The following ZNF107 variants were observed in gnomAD, a reference collection of about 807,000 sequenced individuals.
ZNF107 encodes C2H2 type zinc-finger protein.
Under a neutral mutation model 12.3 loss-of-function variants are expected in ZNF107, and 19 were observed. The ratio of observed to expected loss-of-function variants is 1.55; its 90% CI spans 1.08 to 2.27. The LOEUF is 2.27. Ranked by LOEUF, ZNF107 falls within the 30% of genes most tolerant of loss-of-function variation. ZNF107 has a pLI of 0.00. For missense variants in ZNF107, 958 were observed against 979.9 expected (o/e 0.98, Z 0.30); for synonymous variants, 317 against 330.5 (o/e 0.96, Z 0.44).
chr7:64,697,540 C>T (rs1790332977), intron 3 of ZNF107, among the ~76,000 whole-genome samples: 1 of 152,190 alleles, frequency 6.6e-6, no homozygotes. Context: ...TGGGTTCCTT[C>T]AGCCTTTTGG....
At position 64,710,200 on chromosome 7, in the gene ZNF107, T is replaced by C. The variant is rs569661986; in HGVS notation, c.*1544T>C. On this transcript the variant is annotated 3_prime_UTR_variant, in exon 4 of 4. Coordinates refer to ENST00000620827, the MANE Select transcript of ZNF107 (RefSeq NM_001282359.2). Reference sequence around the variant, plus strand: ...CAAATACGAAGAGGGTTGTAGTACCTTTACTTGTATCACAGATACTTTTGT... The same window carrying C: ...CAAATACGAAGAGGGTTGTAGTACCCTTACTTGTATCACAGATACTTTTGT... The C allele has an allele frequency of 1.3e-5, 2 of 153,434 alleles. No individual in the cohort carries two copies. The highest frequency in any genetic ancestry group is 4.1e-4 in the South Asian group (2 of 4,934). 9.5% of individuals were successfully genotyped at this position (153,434 alleles called of 1,614,324 possible).
intron 3 of ZNF107, among the ~76,000 whole-genome samples, chr7:64,700,535 T>TTTTTTA (rs71055267): frequency 3.3e-5 from 1 of 30,466 alleles, no homozygotes; most frequent in Non-Finnish European, 6.8e-5. Context: ...TTTTTTTTTT[T>TTTTTTA]GAGACTGAGT....
At chr7:64,667,648 G>A (rs1359645261) in intron 1 of ZNF107, among the ~76,000 whole-genome samples, 1 of 152,174 alleles carries the variant, frequency 6.6e-6, no homozygotes, top group Non-Finnish European at 1.5e-5. Context: ...TCAGCTCCTG[G>A]CCTGGAATGG....
At position 64,706,921 on chromosome 7, in the gene ZNF107, A is replaced by G; in HGVS notation, c.824A>G (p.His275Arg). Residue 275 changes from histidine to arginine, a missense_variant, in exon 4 of 4, where the codon CAT becomes CGT. Transcript: ENST00000620827. Reference protein sequence around the residue: ...AFKQASHLTIHKIIHTGEKPY... With the variant: ...AFKQASHLTIRKIIHTGEKPY... Reference sequence around the variant, plus strand: ...AAACAGGCCTCACACCTTACTATACATAAAATAATTCATACTGGAGAAAAA... The same window carrying G: ...AAACAGGCCTCACACCTTACTATACGTAAAATAATTCATACTGGAGAAAAA... The G allele has an allele frequency of 6.2e-7, 1 of 1,612,466 alleles. No individual in the cohort carries two copies. Among genetic ancestry groups the G allele is most frequent in the Non-Finnish European group, 8.5e-7 (1 of 1,179,442 alleles).
chr7:64,682,740 G>A (rs556979915), intron 1 of ZNF107, among the ~76,000 whole-genome samples: 8 of 152,034 alleles, frequency 5.3e-5, no homozygotes, highest in South Asian at 2.1e-4. Context: ...CCTCTATAGC[G>A]CTCACAACCT....
intron 3 of ZNF107, among the ~76,000 whole-genome samples, chr7:64,701,198 C>G (rs1468579891): frequency 1.3e-5 from 2 of 152,136 alleles, no homozygotes; most frequent in Non-Finnish European, 1.5e-5. Context: ...CTACCTCACC[C>G]AATTGTGGTT....
chr7:64,700,582 T>C, intron 3 of ZNF107, among the ~76,000 whole-genome samples: 1 of 124,652 alleles, frequency 8.0e-6, no homozygotes, highest in African/African-American at 3.1e-5. Flanking sequence ...TGCAGTGGCA[T>C]AGGCTGGAGT....
chr7:64,680,277 A>G (rs1260037452), intron 1 of ZNF107, among the ~76,000 whole-genome samples: 1 of 151,618 alleles, frequency 6.6e-6, no homozygotes, highest in Non-Finnish European at 1.5e-5. Flanking sequence ...TTTCCATAAG[A>G]CTCCACTAAA....
At position 64,710,454 on chromosome 7, in the gene ZNF107, A is replaced by C. The variant is rs1790847653; in HGVS notation, c.*1798A>C. ...AATTAAGTCTATATAAATATCAGAG[A>C]ATTCACAGTAGAAATATCTAAGGTA... On this transcript the variant is annotated 3_prime_UTR_variant, in exon 4 of 4. Transcript: ENST00000620827. The C allele has an allele frequency of 6.6e-6, 1 of 152,232 alleles. No homozygotes were observed. Among genetic ancestry groups the C allele is most frequent in the African/African-American group, 2.4e-5 (1 of 41,464 alleles). 9.4% of individuals were successfully genotyped at this position (152,232 alleles called of 1,614,324 possible).
intron 1 of ZNF107, among the ~76,000 whole-genome samples, 181 bp downstream of exon 1, chr7:64,666,466 C>T (rs76172313): frequency 0.047 from 7,133 of 152,270 alleles, 452 homozygotes; most frequent in African/African-American, 0.14. Flanking sequence ...CCTCAGTCCC[C>T]TTCAGCCGTA....
At chr7:64,666,955 C>G (rs1005968696) in intron 1 of ZNF107, among the ~76,000 whole-genome samples, 1 of 127,600 alleles carries the variant, frequency 7.8e-6, no homozygotes, top group African/African-American at 3.5e-5. Context: ...GCTTAATTGG[C>G]AGTTCATGGT....
In ZNF107 at chr7:64,691,962, T is replaced by C. The variant is rs1480839228; in HGVS notation, c.226+2T>C. The C allele has an allele frequency of 1.3e-6, 2 of 1,507,590 alleles. No individual in the cohort carries two copies. Among genetic ancestry groups the C allele is most frequent in the South Asian group, 2.6e-5 (2 of 78,140 alleles). The allele number at this position is 1,507,590 out of a possible 1,614,324, so 93.4% of individuals were successfully genotyped here. ...ATGAGATGGTAGCCAAACCCCCAGG[T>C]AGGTGAGAGTGAAAGTGAATACAAC... On this transcript the variant is annotated splice_donor_variant, in intron 3 of 3. Transcript: ENST00000620827. LOFTEE classifies it high-confidence loss of function.
intron 1 of ZNF107, among the ~76,000 whole-genome samples, chr7:64,677,851 C>CAAA (rs36080718): frequency 9.0e-5 from 7 of 77,912 alleles, no homozygotes; most frequent in Admixed American, 1.6e-4. Context: ...GACTCTGTCT[C>CAAA]AAAAAAAAAA....
chr7:64,702,421 C>G (rs1376863297), intron 3 of ZNF107, among the ~76,000 whole-genome samples: 3 of 152,146 alleles, frequency 2.0e-5, no homozygotes, highest in Admixed American at 1.3e-4. Flanking sequence ...AGGCGTGAGC[C>G]ACCGCGCCCG....
Position 64,666,143 on chromosome 7 carries a change from C to T in ZNF107, c.-140C>T. On this transcript the variant is annotated 5_prime_UTR_variant, in exon 1 of 4. Transcript: ENST00000620827. ...CCGGGATTTGGCGGGGCCTTTGTCT[C>T]TGGCTGCAGCCGGAGCTCCTGCTCT... 8.3e-7 allele frequency: 1 copy of T among 1,198,896 alleles called. No individual in the cohort carries two copies. The highest frequency in any genetic ancestry group is 1.2e-6 in the Non-Finnish European group (1 of 833,804). 74.3% of individuals were successfully genotyped at this position (1,198,896 alleles called of 1,614,324 possible).
intron 1 of ZNF107, among the ~76,000 whole-genome samples, chr7:64,669,499 A>G (rs1245522452): frequency 6.6e-6 from 1 of 151,334 alleles, no homozygotes; most frequent in Non-Finnish European, 1.5e-5. Flanking sequence ...GCACCTTAAA[A>G]TTTCCTTCCC....
intron 3 of ZNF107, among the ~76,000 whole-genome samples, chr7:64,697,308 T>C (rs1790325449): frequency 6.6e-6 from 1 of 152,206 alleles, no homozygotes; most frequent in Non-Finnish European, 1.5e-5. Flanking sequence ...AGCAGCATGA[T>C]TTATAATCCT....
chr7:64,697,967 AC>A (rs1425163152), intron 3 of ZNF107, among the ~76,000 whole-genome samples: 2 of 152,184 alleles, frequency 1.3e-5, no homozygotes, highest in South Asian at 2.1e-4. Context: ...AGCGTGAGCC[AC>A]CGCGCCCGGC....
intron 1 of ZNF107, chr7:64,684,831 T>C (rs1789837233): frequency 5.8e-6 from 4 of 691,986 alleles, no homozygotes; most frequent in Non-Finnish European, 7.1e-6. Context: ...TTTGGCTACC[T>C]GGCATGGCCG....
Sources: allele counts gnomAD v4.1 joint callset (sites outside exome capture counted in the v4.1 genomes callset), GRCh38; gene constraint gnomAD v4.1.1; transcripts MANE v1.5; gene names NCBI Gene and HGNC (gene_info 2026-07-23, HGNC 2026-07-21).